The following BRD7 variants were observed in gnomAD, a reference collection of about 807,000 sequenced individuals.
BRD7 encodes the protein bromodomain-containing protein 7.
BRD7 carries 15 observed loss-of-function variants against 82.1 expected under a neutral mutation model. The ratio of observed to expected loss-of-function variants is 0.18; its 90% CI spans 0.12 to 0.28. The LOEUF is 0.28. BRD7 is among the 10% of genes least tolerant of loss of function. BRD7 has a pLI of 1.00. For synonymous variants in BRD7, 232 were observed against 266.9 expected (o/e 0.87, Z 1.27); for missense variants, 638 against 779.9 (o/e 0.82, Z 2.17).
At position 50,340,088 on chromosome 16, in the gene BRD7, T is replaced by C. The variant is rs2037983286; in HGVS notation, c.592-2A>G. The C allele has an allele frequency of 2.0e-6, 3 of 1,496,884 alleles. No individual in the cohort carries two copies. Among genetic ancestry groups the C allele is most frequent in the Admixed American group, 2.1e-5 (1 of 48,660 alleles). 92.7% of individuals were successfully genotyped at this position (1,496,884 alleles called of 1,614,324 possible). On this transcript the variant is annotated splice_acceptor_variant, in intron 5 of 16. Coordinates refer to ENST00000394688, the MANE Select transcript of BRD7 (RefSeq NM_013263.5). LOFTEE classifies it high-confidence loss of function. Reference sequence around the variant, plus strand: ...AGTACACATTAGTTTGAAGTTATCCTGCAGAAAGAACATTAAGGGAGAAAA... The same window carrying C: ...AGTACACATTAGTTTGAAGTTATCCCGCAGAAAGAACATTAAGGGAGAAAA...
In BRD7 at chr16:50,323,709, CAGTT is replaced by C. The variant is rs777790017; in HGVS notation, c.1332-15_1332-12del. The C allele has an allele frequency of 1.3e-5, 21 of 1,600,030 alleles. No individual in the cohort carries two copies. Among genetic ancestry groups the C allele is most frequent in the African/African-American group, 5.4e-5 (4 of 74,466 alleles). On this transcript the variant is annotated splice_polypyrimidine_tract_variant and intron_variant, in intron 11 of 16. Transcript: ENST00000394688. Reference sequence around the variant, plus strand: ...AAAAACTCATGGATGCTGCAAGAGACAGTTAGGAAAGTCTCACATAAATCACCTC... The same window carrying C: ...AAAAACTCATGGATGCTGCAAGAGACAGGAAAGTCTCACATAAATCACCTC...
At chr16:50,332,823 C>T (rs1378999753) in intron 8 of BRD7, among the ~76,000 whole-genome samples, 1 of 152,182 alleles carries the variant, frequency 6.6e-6, no homozygotes, top group East Asian at 1.9e-4. Context: ...CAAATCATGT[C>T]CCCTGCAACG....
At chr16:50,320,797 C>G (rs753720662) in intron 13 of BRD7, 23 bp from the exon 14 acceptor site, 1 of 1,525,322 alleles carries the variant, frequency 6.6e-7, no homozygotes, top group Non-Finnish European at 9.1e-7. Context: ...GAAAAACAGG[C>G]AATTACTGGC....
intron 2 of BRD7, among the ~76,000 whole-genome samples, chr16:50,366,366 G>C (rs993172709): frequency 6.6e-5 from 10 of 152,128 alleles, no homozygotes; most frequent in Admixed American, 2.0e-4. Context: ...ACAGAAAGCT[G>C]TAAGATAAAT....
chr16:50,354,430 C>T lies in BRD7; in HGVS notation c.441G>A (p.Leu147=), dbSNP rs1450798849. Residue 147 remains leucine (L), a synonymous_variant, in exon 4 of 17, where the codon TTG becomes TTA. Transcript: ENST00000394688. ...AATATTGGAAAAACATTTACCTCTG[C>T]AATTGTCTCATCAGTTGATTCAAAG... is the stretch of plus-strand genomic sequence containing the variant. ...QEALNQLMRQ[L]QRKDPSAFFS... 3 of 1,610,638 alleles carry T rather than the reference C, an allele frequency of 1.9e-6. No homozygotes were observed. Among genetic ancestry groups the T allele is most frequent in the African/African-American group, 2.7e-5 (2 of 74,852 alleles).
intron 9 of BRD7, 84 bp downstream of exon 9, chr16:50,328,585 G>A: frequency 8.5e-7 from 1 of 1,179,712 alleles, no homozygotes; most frequent in Non-Finnish European, 1.2e-6. Flanking sequence ...CAATATTCAA[G>A]CTTGTTGCTT....
chr16:50,319,772 A>G, intron 16 of BRD7, 115 bp downstream of exon 16: 1 of 1,374,124 alleles, frequency 7.3e-7, no homozygotes, highest in Non-Finnish European at 9.8e-7. Flanking sequence ...AGATTTTGCT[A>G]TCTTTGTGGG....
At chr16:50,363,263 A>G (rs953907886) in intron 2 of BRD7, among the ~76,000 whole-genome samples, 18 of 152,364 alleles carry the variant, frequency 1.2e-4, no homozygotes, top group Admixed American at 1.2e-3. Context: ...ATCAGATGGC[A>G]TAAGCATTTT....
At chr16:50,331,096 A>G (rs2037546289) in intron 8 of BRD7, among the ~76,000 whole-genome samples, 1 of 152,194 alleles carries the variant, frequency 6.6e-6, no homozygotes, top group Non-Finnish European at 1.5e-5. Flanking sequence ...AGAAAAAATA[A>G]AATACCTAAG....
In BRD7 at chr16:50,333,779, T is replaced by C. The variant is rs77292439; in HGVS notation, c.888-82A>G. 4,297 of 1,210,084 alleles carry C rather than the reference T, an allele frequency of 3.6e-3. 116 individuals are homozygous for C. The African/African-American group carries it at 0.058, about 16-fold the overall frequency. 75.0% of individuals were successfully genotyped at this position (1,210,084 alleles called of 1,614,324 possible). A position where few individuals can be genotyped will look rare whatever the true frequency, so the allele number is the denominator to read the frequency against. On this transcript the variant is annotated intron_variant, in intron 7 of 16. Transcript: ENST00000394688. ...CATTCAAATGAATTCTAAATATGAA[T>C]ACAACTAAAGTGGAGACATTTGTAC...
rs1336610236 is a variant in BRD7, at chr16:50,354,868, G to T, written c.313C>A (p.Leu105Ile). Residue 105 changes from leucine to isoleucine, a missense_variant, in exon 3 of 17, where the codon CTC becomes ATC. Transcript: ENST00000394688. ...AATCTCACAGGGGCGTGACACTGGA[G>T]ATCTTTTTCTGCCTCATTCTCCACC... The part of the protein sequence containing the change: ...DRVENEAEKD[L>I]QCHAPVRLDL... 6.2e-7 allele frequency: 1 copy of T among 1,613,564 alleles called. No homozygotes were observed. The highest frequency in any genetic ancestry group is 1.7e-5 in the Admixed American group (1 of 60,008).
At chr16:50,322,071 A>G in intron 12 of BRD7, 33 bp from the exon 13 acceptor site, 1 of 1,546,096 alleles carries the variant, frequency 6.5e-7, no homozygotes, top group Non-Finnish European at 8.8e-7. Flanking sequence ...CTTTTTAGGA[A>G]AACACATGAA....
chr16:50,350,719 A>G (rs1207616572), intron 4 of BRD7, among the ~76,000 whole-genome samples: 1 of 152,212 alleles, frequency 6.6e-6, no homozygotes, highest in East Asian at 1.9e-4. Context: ...GTGTGCCAAG[A>G]CAGGACTGGA....
intron 4 of BRD7, among the ~76,000 whole-genome samples, chr16:50,352,233 G>A (rs2038556397): frequency 6.6e-6 from 1 of 152,084 alleles, no homozygotes; most frequent in Non-Finnish European, 1.5e-5. Flanking sequence ...GTTTGAGGGC[G>A]GTATATCTCA....
At chr16:50,366,861 T>C (rs1383310366) in intron 2 of BRD7, among the ~76,000 whole-genome samples, 1 of 152,168 alleles carries the variant, frequency 6.6e-6, no homozygotes, top group African/African-American at 2.4e-5. Flanking sequence ...TGTGAAGGAT[T>C]GGGGTGAGGA....
chr16:50,333,182 T>A lies in BRD7; in HGVS notation c.1011+392A>T, dbSNP rs147957269. On this transcript the variant is annotated intron_variant, in intron 8 of 16. Transcript: ENST00000394688. ...ACAATATGATTTCAAAAGACCAGAA[T>A]ACAAATGTTTTCCTGTAAATTTAAA... 6.4e-3 allele frequency among the ~76,000 whole-genome samples: 975 copies of A among 152,312 alleles called. 14 individuals are homozygous for A. Among genetic ancestry groups the A allele is most frequent in the African/African-American group, 0.022 (915 of 41,556 alleles).
chr16:50,358,788 C>T (rs555596766), intron 2 of BRD7, among the ~76,000 whole-genome samples: 33 of 151,934 alleles, frequency 2.2e-4, no homozygotes, highest in Non-Finnish European at 3.7e-4. Flanking sequence ...GCTAGGGAGT[C>T]CAAAAGAAAA....
intron 2 of BRD7, among the ~76,000 whole-genome samples, chr16:50,362,107 T>C (rs949956167): frequency 2.2e-4 from 34 of 152,336 alleles, no homozygotes; most frequent in African/African-American, 7.0e-4. Flanking sequence ...ACTGAACATA[T>C]AGTGTTACAT....
intron 9 of BRD7, among the ~76,000 whole-genome samples, chr16:50,327,133 A>G (rs2037372992): frequency 6.6e-6 from 1 of 152,222 alleles, no homozygotes; most frequent in African/African-American, 2.4e-5. Context: ...ACAGTCTGGA[A>G]TTTGGTTTCC....
Sources: allele counts gnomAD v4.1 joint callset (sites outside exome capture counted in the v4.1 genomes callset), GRCh38; gene constraint gnomAD v4.1.1; transcripts MANE v1.5; gene names NCBI Gene and HGNC (gene_info 2026-07-23, HGNC 2026-07-21).